Variants in ASAP1 observed in about 807,000 individuals in gnomAD.
ASAP1 encodes arf-GAP with SH3 domain, ANK repeat and PH domain-containing protein 1.
In ASAP1, 43 loss-of-function variants were observed where a neutral mutation model predicts 145.2. The ratio of observed to expected loss-of-function variants is 0.30; its 90% CI spans 0.23 to 0.38. The LOEUF (loss-of-function observed/expected upper bound fraction) is 0.38. ASAP1 is among the 10% of genes least tolerant of loss of function. The pLI is 1.00. For synonymous variants in ASAP1, 546 were observed against 515.5 expected (o/e 1.06, Z -0.80); for missense variants, 1,018 against 1,355.3 (o/e 0.75, Z 3.91).
At chr8:130,106,358 C>T (rs760225069) in intron 24 of ASAP1, among the ~76,000 whole-genome samples, 2 of 152,090 alleles carry the variant, frequency 1.3e-5, no homozygotes, top group African/African-American at 2.4e-5. Flanking sequence ...AAAATATTTC[C>T]CATGCGAGTC....
chr8:130,281,452 T>A (rs1821240427), intron 3 of ASAP1, among the ~76,000 whole-genome samples: 1 of 152,176 alleles, frequency 6.6e-6, no homozygotes, highest in African/African-American at 2.4e-5. Flanking sequence ...TGGTCCTTGA[T>A]TTTTTTAATC....
chr8:130,283,587 G>GACAAAAAAAAAAAAAAAAA (rs1821396757), intron 3 of ASAP1, among the ~76,000 whole-genome samples: 3 of 20,852 alleles, frequency 1.4e-4, no homozygotes, highest in Admixed American at 6.3e-4. Context: ...ATCACAGAAA[G>GACAAAAAAAAAAAAAAAAA]AAAAAAAAAA....
At chr8:130,300,941 C>T (rs1822622675) in intron 3 of ASAP1, among the ~76,000 whole-genome samples, 1 of 152,042 alleles carries the variant, frequency 6.6e-6, no homozygotes, top group African/African-American at 2.4e-5. Flanking sequence ...CAGCAGAGGC[C>T]CTCCCTCATT....
rs553548876 is a variant in ASAP1, at chr8:130,386,694, G to A, written c.59+15191C>T. 7 of 152,336 alleles carry A rather than the reference G, an allele frequency of 4.6e-5. No homozygotes were observed. The East Asian group carries it at 1.2e-3, about 25-fold the overall frequency. The allele number at this position is 152,336 out of a possible 1,614,324, so 9.4% of individuals were successfully genotyped here. A position where few individuals can be genotyped will look rare whatever the true frequency, so the allele number is the denominator to read the frequency against. The stretch of plus-strand genomic sequence containing the variant: ...ACCTCTGCCGTGGTCTGTGGCTCGG[G>A]AGTCTAACAGTCAATTATCTCGCTG... On this transcript the variant is annotated intron_variant, in intron 2 of 29. Coordinates refer to ENST00000518721, the MANE Select transcript of ASAP1 (RefSeq NM_018482.4).
intron 2 of ASAP1, among the ~76,000 whole-genome samples, chr8:130,400,286 A>C (rs2138559796): frequency 6.6e-6 from 1 of 152,252 alleles, no homozygotes; most frequent in South Asian, 2.1e-4. Flanking sequence ...TAAGATTCTC[A>C]GACTCTACAA....
intron 1 of ASAP1, among the ~76,000 whole-genome samples, chr8:130,443,094 G>A (rs1830543932): frequency 6.6e-6 from 1 of 152,060 alleles, no homozygotes; most frequent in Admixed American, 6.5e-5. Flanking sequence ...GGCGGGGTCC[G>A]GGCCGCCAAG....
chr8:130,261,865 T>C (rs1035932453), intron 3 of ASAP1, among the ~76,000 whole-genome samples: 4 of 152,080 alleles, frequency 2.6e-5, no homozygotes, highest in African/African-American at 7.2e-5. Context: ...CTTAGTTCTA[T>C]GACTACTGAC....
At position 130,180,677 on chromosome 8, in the gene ASAP1, A is replaced by G. The variant is rs561861375; in HGVS notation, c.660+74T>C. The G allele has an allele frequency of 3.1e-3, 4,668 of 1,512,534 alleles. 14 individuals carry two copies. The highest frequency in any genetic ancestry group is 3.7e-3 in the Non-Finnish European group (4,175 of 1,120,976). The allele number at this position is 1,512,534 out of a possible 1,614,324, so 93.7% of individuals were successfully genotyped here. A position where few individuals can be genotyped will look rare whatever the true frequency, so the allele number is the denominator to read the frequency against. ...TCAAACAGAGTCTGCCTTTAAGCATAAAGACTGCTGACTAGCAGGAAAAGA... is the reference window on the plus strand; with the variant it reads ...TCAAACAGAGTCTGCCTTTAAGCATGAAGACTGCTGACTAGCAGGAAAAGA... On this transcript the variant is annotated intron_variant, in intron 8 of 29. Transcript: ENST00000518721.
rs143383817 is a variant in ASAP1, at chr8:130,351,869, A to G, written c.186+6148T>C. Among the ~76,000 whole-genome samples, 14 of 152,348 alleles carry G rather than the reference A, an allele frequency of 9.2e-5. No homozygotes were observed. The East Asian group carries it at 2.7e-3, about 29-fold the overall frequency. ...AAATCCAAACCATATCAGGACCAAAAGCATTAGCATGGAATATCTGGCTAA... is the reference window on the plus strand; with the variant it reads ...AAATCCAAACCATATCAGGACCAAAGGCATTAGCATGGAATATCTGGCTAA... On this transcript the variant is annotated intron_variant, in intron 3 of 29. Transcript: ENST00000518721.
rs187273932 is a variant in ASAP1 at position 130,377,666 on chromosome 8, C to T, written c.60-19523G>A. ...CCAGACACATCTCAGGGCTCCTCCA[C>T]CCTCTGGCTTCTACCTGGATTCAGG... On this transcript the variant is annotated intron_variant, in intron 2 of 29. Transcript: ENST00000518721. Among the ~76,000 whole-genome samples the T allele has an allele frequency of 1.9e-3, 290 of 152,356 alleles. 2 individuals carry two copies. The highest frequency in any genetic ancestry group is 6.1e-3 in the Admixed American group (94 of 15,308).
At chr8:130,208,736 T>A (rs1816389325) in intron 5 of ASAP1, 1 of 152,156 alleles carries the variant, frequency 6.6e-6, no homozygotes, top group Admixed American at 6.6e-5. Context: ...GCAATGAGGA[T>A]GAAGGCTGAT....
chr8:130,289,752 G>C (rs1291473134), intron 3 of ASAP1, among the ~76,000 whole-genome samples: 1 of 152,140 alleles, frequency 6.6e-6, no homozygotes, highest in African/African-American at 2.4e-5. Flanking sequence ...GCTGGGGCTG[G>C]CTGTTTTAGA....
chr8:130,156,092 C>T (rs1179197512), intron 12 of ASAP1, among the ~76,000 whole-genome samples: 1 of 152,184 alleles, frequency 6.6e-6, no homozygotes, highest in Admixed American at 6.5e-5. Flanking sequence ...GCTCCTTTGT[C>T]TCTCAATAAT....
At position 130,052,735 on chromosome 8, in the gene ASAP1, GTTTTTTTT is replaced by G. The variant is rs5895032; in HGVS notation, c.*1988_*1995del. The stretch of plus-strand genomic sequence containing the variant: ...GCTTTTGTGTTTTTTTTTTGTTTTT[GTTTTTTTT>G]TTTTTTTTGAAAAAAACCAGTTTAT... On this transcript the variant is annotated 3_prime_UTR_variant, in exon 30 of 30. Transcript: ENST00000518721. The G allele has an allele frequency of 3.3e-5, 4 of 122,144 alleles. No individual in the cohort carries two copies. The highest frequency in any genetic ancestry group is 9.2e-5 in the African/African-American group (3 of 32,440). The allele number at this position is 122,144 out of a possible 1,614,324, so 7.6% of individuals were successfully genotyped here.
At chr8:130,222,972 A>G (rs562605106) in intron 4 of ASAP1, among the ~76,000 whole-genome samples, 2 of 152,212 alleles carry the variant, frequency 1.3e-5, no homozygotes, top group Non-Finnish European at 2.9e-5. Flanking sequence ...TCTTAGCTCC[A>G]GACTCTACCA....
chr8:130,057,916 T>C (rs1445791225), intron 29 of ASAP1, 38 bp downstream of exon 29: 23 of 1,610,130 alleles, frequency 1.4e-5, no homozygotes, highest in East Asian at 2.2e-5. Flanking sequence ...GCATGCTGTA[T>C]GAATGTACGG....
chr8:130,266,755 A>G (rs1157043659), intron 3 of ASAP1, among the ~76,000 whole-genome samples: 2 of 152,198 alleles, frequency 1.3e-5, no homozygotes, highest in Admixed American at 6.5e-5. Flanking sequence ...ATAGTAAAAT[A>G]AAATGAGAAT....
At position 130,194,807 on chromosome 8, in the gene ASAP1, C is replaced by G. The variant is rs938997611; in HGVS notation, c.406-6624G>C. ...GAGCTCAGGAGGTAATGCTTGCTCA[C>G]CCACCGCTCACCTCCTGCTATGCAG... On this transcript the variant is annotated intron_variant, in intron 5 of 29. Coordinates refer to ENST00000518721, the MANE Select transcript of ASAP1 (RefSeq NM_018482.4). Among the ~76,000 whole-genome samples, 7 of 152,122 alleles carry G rather than the reference C, an allele frequency of 4.6e-5. No homozygotes were observed. In the East Asian group the frequency reaches 1.3e-3, roughly 29 times the overall value.
chr8:130,210,301 AAT>A (rs1816498985), intron 5 of ASAP1, among the ~76,000 whole-genome samples: 1 of 152,226 alleles, frequency 6.6e-6, no homozygotes, highest in African/African-American at 2.4e-5. Context: ...GGTTTGAGAA[AAT>A]AGTTATTTTT....
Sources: allele counts gnomAD v4.1 joint callset (sites outside exome capture counted in the v4.1 genomes callset), GRCh38; gene constraint gnomAD v4.1.1; transcripts MANE v1.5; gene names NCBI Gene and HGNC (gene_info 2026-07-23, HGNC 2026-07-21).